ASTN2: variants seen among roughly 807,000 people sequenced by gnomAD.
ASTN2 encodes the protein astrotactin 2.
ASTN2 carries 54 observed loss-of-function variants against 139.8 expected under a neutral mutation model. The ratio of observed to expected loss-of-function variants is 0.39; its 90% CI spans 0.31 to 0.48. ASTN2 has a LOEUF of 0.48. Ranked by LOEUF, ASTN2 falls within the 20% of genes least tolerant of loss-of-function variation. ASTN2 has a pLI of 0.95. For missense variants in ASTN2, 1,565 were observed against 1,725.1 expected (o/e 0.91, Z 1.64); for synonymous variants, 756 against 719.5 (o/e 1.05, Z -0.81).
At chr9:116,981,640 G>T (rs1233867729) in intron 7 of ASTN2, among the ~76,000 whole-genome samples, 1 of 152,190 alleles carries the variant, frequency 6.6e-6, no homozygotes, top group Non-Finnish European at 1.5e-5. Flanking sequence ...TCCTTTTGCT[G>T]CATTGGTGGT....
intron 7 of ASTN2, among the ~76,000 whole-genome samples, chr9:116,983,280 G>A (rs1453515806): frequency 1.3e-5 from 2 of 152,140 alleles, no homozygotes; most frequent in Admixed American, 6.5e-5. Flanking sequence ...GGCACGTAGT[G>A]GGAAAAGTAT....
At chr9:116,653,158 G>A (rs73530805) in intron 16 of ASTN2, among the ~76,000 whole-genome samples, 4,357 of 151,958 alleles carry the variant, frequency 0.029, 184 homozygotes, top group African/African-American at 0.099. Context: ...ATGGTGCGAC[G>A]GATGTATTTG....
chr9:116,677,536 A>T (rs1859582804), intron 16 of ASTN2, among the ~76,000 whole-genome samples: 1 of 152,120 alleles, frequency 6.6e-6, no homozygotes, highest in Non-Finnish European at 1.5e-5. Context: ...GGGATACTTG[A>T]CTTTTTGCAC....
chr9:117,071,532 G>GC (rs1198120121), intron 5 of ASTN2, among the ~76,000 whole-genome samples: 1 of 150,340 alleles, frequency 6.7e-6, no homozygotes, highest in Non-Finnish European at 1.5e-5. Flanking sequence ...GCTGTGGTGG[G>GC]CTCCACCCAG....
chr9:117,414,926 C>T lies in ASTN2; in HGVS notation c.13G>A (p.Gly5Ser), dbSNP rs1831289631. ...CCGGGGCCGGGGCTGAGCCGGGCGC[C>T]GGCGGCGGCCATGGCGGGAGGGGCT... is the stretch of plus-strand genomic sequence containing the variant. The part of the protein sequence containing the change: MAAA[G>S]ARLSPGPGSG... Residue 5 changes from glycine to serine, a missense_variant, in exon 1 of 23, where the codon GGC becomes AGC. Gly to Ser is a moderately conservative substitution (Grantham distance 56). Coordinates refer to ENST00000313400, the MANE Select transcript of ASTN2 (RefSeq NM_001365068.1). The surrounding 1 kb of genome is among the most constrained non-coding windows in gnomAD (Gnocchi z 4.2). 1 of 444,104 alleles carries T rather than the reference C, an allele frequency of 2.3e-6. No individual in the cohort carries two copies. Among genetic ancestry groups the T allele is most frequent in the South Asian group, 9.4e-5 (1 of 10,644 alleles). The allele number at this position is 444,104 out of a possible 1,614,324, so 27.5% of individuals were successfully genotyped here. A position where few individuals can be genotyped will look rare whatever the true frequency, so the allele number is the denominator to read the frequency against.
intron 14 of ASTN2, among the ~76,000 whole-genome samples, chr9:116,730,716 CA>C (rs994646386): frequency 3.9e-5 from 6 of 152,332 alleles, no homozygotes; most frequent in Admixed American, 2.0e-4. Context: ...CTATCTCCAA[CA>C]GAAGAGGCAG....
At chr9:117,186,352 C>T (rs1397537362) in intron 3 of ASTN2, among the ~76,000 whole-genome samples, 14 of 151,236 alleles carry the variant, frequency 9.3e-5, no homozygotes, top group Non-Finnish European at 1.9e-4. Context: ...CGAGACCACC[C>T]TGGCTAACAC....
rs565181545 is a variant in ASTN2, at chr9:116,648,735, C to G, written c.3072+2793G>C. Reference sequence around the variant, plus strand: ...TAATGAACTCTCACTAATCTACCACCAAAAACACCAGCTAGGAGCTGGGCG... The same window carrying G: ...TAATGAACTCTCACTAATCTACCACGAAAAACACCAGCTAGGAGCTGGGCG... On this transcript the variant is annotated intron_variant, in intron 17 of 22. Coordinates refer to ENST00000313400, the MANE Select transcript of ASTN2 (RefSeq NM_001365068.1). Among the ~76,000 whole-genome samples the G allele has an allele frequency of 6.4e-4, 97 of 152,188 alleles. 1 individual carries two copies. Among genetic ancestry groups the G allele is most frequent in the Non-Finnish European group, 1.2e-3 (83 of 68,000 alleles).
intron 10 of ASTN2, among the ~76,000 whole-genome samples, chr9:116,951,337 CAAAAAAAAAAAAAAA>C (rs386416039): frequency 5.9e-5 from 2 of 34,060 alleles, no homozygotes; most frequent in Admixed American, 1.0e-3. Context: ...AACTCTGTCT[CAAAAAAAAAAAAAAA>C]AAAAAAAAAA....
rs73524139 is a variant in ASTN2 at position 116,545,351 on chromosome 9, C to T, written c.3356-57851G>A. The stretch of plus-strand genomic sequence containing the variant: ...TGTGGATTGGAGTCTCCACATGTAC[C>T]CACCATTCTATACAAAATGCTTCAT... On this transcript the variant is annotated intron_variant, in intron 19 of 22. Transcript: ENST00000313400. 8.1e-3 allele frequency among the ~76,000 whole-genome samples: 1,240 copies of T among 152,226 alleles called. 15 individuals are homozygous for T. The highest frequency in any genetic ancestry group is 0.028 in the African/African-American group (1,179 of 41,542).
In ASTN2 at chr9:117,229,848, A is replaced by T. The variant is rs371914231; in HGVS notation, c.631-15106T>A. Among the ~76,000 whole-genome samples, 13 of 152,166 alleles carry T rather than the reference A, an allele frequency of 8.5e-5. No homozygotes were observed. The East Asian group carries it at 2.1e-3, about 25-fold the overall frequency. ...GTGGTATTGGGACCACTTCAGAGAAAGTCTTTATTTCTGGCCAGGTGTGGT... is the reference window on the plus strand; with the variant it reads ...GTGGTATTGGGACCACTTCAGAGAATGTCTTTATTTCTGGCCAGGTGTGGT... On this transcript the variant is annotated intron_variant, in intron 2 of 22. Coordinates refer to ENST00000313400, the MANE Select transcript of ASTN2 (RefSeq NM_001365068.1).
chr9:116,793,439 C>A (rs565527601), intron 13 of ASTN2, among the ~76,000 whole-genome samples: 1 of 152,240 alleles, frequency 6.6e-6, no homozygotes, highest in South Asian at 2.1e-4. Flanking sequence ...ATATGGTATG[C>A]CTGAAACGTA....
intron 20 of ASTN2, among the ~76,000 whole-genome samples, chr9:116,465,415 G>A (rs958489490): frequency 4.6e-5 from 7 of 152,162 alleles, no homozygotes; most frequent in East Asian, 1.9e-4. Flanking sequence ...ACCTCGCCAC[G>A]GCTGGACAAG....
chr9:116,849,695 G>C (rs1832539559), intron 11 of ASTN2, among the ~76,000 whole-genome samples: 1 of 152,122 alleles, frequency 6.6e-6, no homozygotes, highest in African/African-American at 2.4e-5. Flanking sequence ...GCCTTCATTA[G>C]GGCAGGCTGG....
chr9:117,226,916 A>G (rs1377952660), intron 2 of ASTN2, among the ~76,000 whole-genome samples: 6 of 152,222 alleles, frequency 3.9e-5, no homozygotes, highest in African/African-American at 1.4e-4. Context: ...ATATTGTGCC[A>G]ACCTTAAAAT....
intron 4 of ASTN2, among the ~76,000 whole-genome samples, chr9:117,114,316 G>A (rs1019488045): frequency 1.3e-5 from 2 of 152,132 alleles, no homozygotes; most frequent in African/African-American, 4.8e-5. Context: ...CTTACGGGCA[G>A]AGCAGTAATC....
At position 117,124,742 on chromosome 9, in the gene ASTN2, C is replaced by G. The variant is rs185731859; in HGVS notation, c.1168+16584G>C. ...AGCTATTGCTTCACAGAGGTTGAGG[C>G]TGTAGCGAGCCACCGTTGCACCACT... On this transcript the variant is annotated intron_variant, in intron 4 of 22. Transcript: ENST00000313400. 3.4e-3 allele frequency among the ~76,000 whole-genome samples: 511 copies of G among 150,372 alleles called. 6 individuals are homozygous for G. The highest frequency in any genetic ancestry group is 0.012 in the African/African-American group (499 of 40,806).
intron 1 of ASTN2, among the ~76,000 whole-genome samples, chr9:117,318,857 T>C (rs1200677154): frequency 6.6e-6 from 1 of 152,132 alleles, no homozygotes; most frequent in Non-Finnish European, 1.5e-5. Context: ...CTTATTGTTA[T>C]AAGGCACTTC....
At chr9:116,471,393 C>T (rs758709730) in intron 20 of ASTN2, among the ~76,000 whole-genome samples, 13 of 152,296 alleles carry the variant, frequency 8.5e-5, no homozygotes, top group African/African-American at 2.9e-4. Flanking sequence ...ACTTCTTTTT[C>T]TGGCAGGGGT....
Sources: allele counts gnomAD v4.1 joint callset (sites outside exome capture counted in the v4.1 genomes callset), GRCh38; gene constraint gnomAD v4.1.1; non-coding constraint Gnocchi (gnomAD v3.1); transcripts MANE v1.5; gene names NCBI Gene and HGNC (gene_info 2026-07-23, HGNC 2026-07-21).